The following FBXW8 variants were observed in gnomAD, a reference collection of about 807,000 sequenced individuals.
FBXW8 encodes F-box/WD repeat-containing protein 8.
Under a neutral mutation model 65.3 loss-of-function variants are expected in FBXW8, and 57 were observed. That is an observed-to-expected ratio of 0.87 (90% CI 0.71 to 1.09). FBXW8 has a LOEUF of 1.09. FBXW8 is among the 50% of genes least tolerant of loss of function. The pLI is 0.00. For missense variants in FBXW8, 777 were observed against 814.8 expected, an observed-to-expected ratio of 0.95 and a Z score of 0.57; for synonymous variants, 308 against 330.2, an observed-to-expected ratio of 0.93 and a Z score of 0.73.
chr12:116,992,745 TTGAG>T (rs373883491), intron 7 of FBXW8, among the ~76,000 whole-genome samples: 140 of 148,542 alleles, frequency 9.4e-4, no homozygotes, highest in African/African-American at 3.2e-3. Flanking sequence ...CTTTTTATGG[TTGAG>T]TATTATTCCA....
At chr12:116,923,502 A>G (rs546635339) in intron 1 of FBXW8, among the ~76,000 whole-genome samples, 2 of 152,142 alleles carry the variant, frequency 1.3e-5, no homozygotes, top group South Asian at 2.1e-4. Context: ...GAGCTATTCA[A>G]CTACTGCAAA....
chr12:116,990,170 A>T (rs1391037397), intron 7 of FBXW8, among the ~76,000 whole-genome samples: 1 of 152,238 alleles, frequency 6.6e-6, no homozygotes, highest in African/African-American at 2.4e-5. Context: ...ATCCAGGAAG[A>T]TAGACTAAGC....
In FBXW8 at chr12:117,029,446, C is replaced by T. The variant is rs919185318; in HGVS notation, c.*1274C>T. The T allele has an allele frequency of 1.3e-5, 2 of 151,668 alleles. No homozygotes were observed. The highest frequency in any genetic ancestry group is 2.4e-5 in the African/African-American group (1 of 41,042). 9.4% of individuals were successfully genotyped at this position (151,668 alleles called of 1,614,324 possible). ...GGGCTGACAGTAAAAGCACAGAATA[C>T]AAAACCCAGGGGATGGGGCTGGGAG... On this transcript the variant is annotated 3_prime_UTR_variant, in exon 11 of 11. Transcript: ENST00000652555.
chr12:116,937,708 A>G (rs1324813100), intron 2 of FBXW8, among the ~76,000 whole-genome samples: 2 of 151,054 alleles, frequency 1.3e-5, no homozygotes, highest in African/African-American at 4.9e-5. Flanking sequence ...GTGAGTGCAT[A>G]GAGAGCTGTC....
At position 116,966,721 on chromosome 12, in the gene FBXW8, C is replaced by CT. The variant is rs112723864; in HGVS notation, c.835+1878dup. 4.1e-4 allele frequency among the ~76,000 whole-genome samples: 61 copies of CT among 147,396 alleles called. 1 individual carries two copies. Among genetic ancestry groups the CT allele is most frequent in the Admixed American group, 1.8e-3 (26 of 14,760 alleles). On this transcript the variant is annotated intron_variant, in intron 5 of 10. Transcript: ENST00000652555. ...CAATGTAGGCATGATAAAGAATCTACTTTTTTTTTTTGAGACAGGGTTTTG... is the reference window on the plus strand; with the variant it reads ...CAATGTAGGCATGATAAAGAATCTACTTTTTTTTTTTTGAGACAGGGTTTTG...
chr12:117,009,834 A>G (rs1482163242), intron 7 of FBXW8, among the ~76,000 whole-genome samples: 1 of 152,158 alleles, frequency 6.6e-6, no homozygotes, highest in Admixed American at 6.5e-5. Flanking sequence ...GTCCGAAGGA[A>G]GCATCCAGTG....
chr12:116,954,133 A>AAAAT (rs1555219903), intron 4 of FBXW8, among the ~76,000 whole-genome samples: 2 of 142,724 alleles, frequency 1.4e-5, no homozygotes, highest in Admixed American at 7.1e-5. Context: ...AAAAAAAAAA[A>AAAAT]AGAAAAAGCA....
At chr12:116,972,617 C>T (rs1198239457) in intron 5 of FBXW8, among the ~76,000 whole-genome samples, 1 of 152,048 alleles carries the variant, frequency 6.6e-6, no homozygotes, top group Non-Finnish European at 1.5e-5. Context: ...TGGCGGCATA[C>T]AGGGAGACTG....
chr12:117,014,576 C>A (rs1215822153), intron 8 of FBXW8, among the ~76,000 whole-genome samples: 1 of 152,178 alleles, frequency 6.6e-6, no homozygotes, highest in Non-Finnish European at 1.5e-5. Context: ...AATCCTCCAA[C>A]GAATGATTTT....
At position 116,911,163 on chromosome 12, in the gene FBXW8, C is replaced by A. The variant is rs112339051; in HGVS notation, c.126C>A (p.Gly42=). The A allele has an allele frequency of 0.073, 96,969 of 1,334,586 alleles. 3,872 individuals carry two copies. Among genetic ancestry groups the A allele is most frequent in the Non-Finnish European group, 0.081 (84,947 of 1,050,866 alleles). The allele number at this position is 1,334,586 out of a possible 1,614,324, so 82.7% of individuals were successfully genotyped here. A position where few individuals can be genotyped will look rare whatever the true frequency, so the allele number is the denominator to read the frequency against. ...AERRARRPEV[G]SGRGEQASGD... is the part of the protein sequence containing the mutation. Reference sequence around the variant, plus strand: ...GGCGGGCTCGGCGGCCGGAGGTGGGCTCCGGGCGCGGCGAACAGGCCTCGG... The same window carrying A: ...GGCGGGCTCGGCGGCCGGAGGTGGGATCCGGGCGCGGCGAACAGGCCTCGG... The change falls in exon 1 of 11, where the codon GGC becomes GGA. Residue 42 remains glycine, a synonymous_variant. Transcript: ENST00000652555.
chr12:116,994,312 A>C lies in FBXW8; in HGVS notation c.1239+5443A>C, dbSNP rs77088445. Reference sequence around the variant, plus strand: ...AGACCAATGGAATAGTACTGGTGTGAAAGTATGGTACTGGTGTAAAAGTAA... The same window carrying C: ...AGACCAATGGAATAGTACTGGTGTGCAAGTATGGTACTGGTGTAAAAGTAA... On this transcript the variant is annotated intron_variant, in intron 7 of 10. Coordinates refer to ENST00000652555, the MANE Select transcript of FBXW8 (RefSeq NM_153348.3). Among the ~76,000 whole-genome samples, 684 of 152,360 alleles carry C rather than the reference A, an allele frequency of 4.5e-3. 7 individuals carry two copies. The highest frequency in any genetic ancestry group is 0.015 in the African/African-American group (644 of 41,578).
chr12:116,976,126 AC>A (rs1177035136), intron 5 of FBXW8, among the ~76,000 whole-genome samples: 2 of 152,250 alleles, frequency 1.3e-5, no homozygotes, highest in African/African-American at 4.8e-5. Flanking sequence ...ATCAAAAAAG[AC>A]TATCAAATTA....
intron 4 of FBXW8, among the ~76,000 whole-genome samples, chr12:116,958,244 C>A (rs917662377): frequency 6.6e-6 from 1 of 152,232 alleles, no homozygotes; most frequent in African/African-American, 2.4e-5. Flanking sequence ...TTGCATAATA[C>A]AACCCCATCG....
rs182210001 is a variant in FBXW8 at position 116,937,402 on chromosome 12, G to A, written c.424-7962G>A. Among the ~76,000 whole-genome samples the A allele has an allele frequency of 2.9e-4, 44 of 152,304 alleles. 1 individual carries two copies. Among genetic ancestry groups the A allele is most frequent in the Admixed American group, 2.5e-3 (39 of 15,302 alleles). ...GGATGGAGCCCTGGTGCTCCACAAGGATTAGAGGCCGTGGACATGAGCAGG... is the reference window on the plus strand; with the variant it reads ...GGATGGAGCCCTGGTGCTCCACAAGAATTAGAGGCCGTGGACATGAGCAGG... On this transcript the variant is annotated intron_variant, in intron 2 of 10. Transcript: ENST00000652555.
chr12:116,940,693 A>C (rs1362716373), intron 2 of FBXW8, among the ~76,000 whole-genome samples: 2 of 152,016 alleles, frequency 1.3e-5, no homozygotes, highest in Non-Finnish European at 2.9e-5. Flanking sequence ...ATACCTTTTC[A>C]TTTCCCTTAA....
intron 2 of FBXW8, among the ~76,000 whole-genome samples, chr12:116,934,871 A>T (rs538298241): frequency 2.6e-5 from 4 of 152,346 alleles, no homozygotes; most frequent in Admixed American, 2.6e-4. Context: ...CGCAGTCAAC[A>T]TGTAGAACAT....
chr12:117,005,239 G>T (rs955433928), intron 7 of FBXW8, among the ~76,000 whole-genome samples: 1 of 152,186 alleles, frequency 6.6e-6, no homozygotes, highest in Non-Finnish European at 1.5e-5. Flanking sequence ...GTATCTTTGG[G>T]GTCTGAGACT....
At chr12:116,944,702 G>A (rs1882815430) in intron 2 of FBXW8, among the ~76,000 whole-genome samples, 1 of 152,052 alleles carries the variant, frequency 6.6e-6, no homozygotes, top group Non-Finnish European at 1.5e-5. Context: ...AATTAGTGTT[G>A]GAAAACAAAA....
chr12:116,997,622 A>G (rs1953406480), intron 7 of FBXW8, among the ~76,000 whole-genome samples: 1 of 152,090 alleles, frequency 6.6e-6, no homozygotes, highest in Non-Finnish European at 1.5e-5. Flanking sequence ...CCTGGGAGAG[A>G]GCAGTCCAAG....
Sources: allele counts gnomAD v4.1 joint callset (sites outside exome capture counted in the v4.1 genomes callset), GRCh38; gene constraint gnomAD v4.1.1; transcripts MANE v1.5; gene names NCBI Gene and HGNC (gene_info 2026-07-23, HGNC 2026-07-21).